The following TTC34 variants were observed in gnomAD, a reference collection of about 807,000 sequenced individuals.
TTC34 encodes the protein tetratricopeptide repeat protein 34.
Under a neutral mutation model 40.7 loss-of-function variants are expected in TTC34, and 44 were observed. The observed-to-expected ratio is 1.08, with a 90% CI of 0.85 to 1.39. The LOEUF (loss-of-function observed/expected upper bound fraction) is 1.39, where lower values mean the gene tolerates loss of function less well. Ranked by LOEUF, TTC34 falls within the 40% of genes most tolerant of loss-of-function variation. TTC34 has a pLI of 0.00. For missense variants in TTC34, 884 were observed against 838.0 expected (o/e 1.05, Z -0.68); for synonymous variants, 422 against 398.6 (o/e 1.06, Z -0.70).
chr1:2,694,107 A>C, intron 6 of TTC34, among the ~76,000 whole-genome samples: 4 of 138,830 alleles, frequency 2.9e-5, no homozygotes, highest in Admixed American at 7.2e-5. Context: ...AGCACCCTGC[A>C]CCCCCAGGTG....
chr1:2,777,248 C>T (rs1268926952), intron 6 of TTC34, among the ~76,000 whole-genome samples: 3 of 131,710 alleles, frequency 2.3e-5, no homozygotes, highest in African/African-American at 8.8e-5. Context: ...AACAGCACCC[C>T]ACACCCCCAG....
chr1:2,675,800 ACACCAACAGGTGAGCATCT>A (rs1639893711), intron 6 of TTC34, among the ~76,000 whole-genome samples: 1 of 47,542 alleles, frequency 2.1e-5, no homozygotes, highest in Admixed American at 1.9e-4. Context: ...AGCAGCACCC[ACACCAACAGGTGAGCATCT>A]GACAGCCTGG....
chr1:2,755,546 C>T lies in TTC34; in HGVS notation c.2226+28063G>A, dbSNP rs1213722033. The stretch of plus-strand genomic sequence containing the variant: ...CAGCCTGGAACAGTACCCACACCCA[C>T]AGGCGAGCATCTGAAACCACGGAGC... On this transcript the variant is annotated intron_variant, in intron 6 of 8. Transcript: ENST00000401095. Among the ~76,000 whole-genome samples the T allele has an allele frequency of 1.8e-4, 20 of 109,422 alleles. 3 individuals carry two copies. Among genetic ancestry groups the T allele is most frequent in the African/African-American group, 8.7e-4 (19 of 21,724 alleles). The allele number at this position is 109,422 out of a possible 152,430, so 71.8% of individuals were successfully genotyped here.
chr1:2,777,856 G>A (rs1157799682), intron 6 of TTC34, among the ~76,000 whole-genome samples: 1 of 152,208 alleles, frequency 6.6e-6, no homozygotes, highest in African/African-American at 2.4e-5. Flanking sequence ...GGGAGGAGGG[G>A]ACAGGATCCT....
intron 6 of TTC34, among the ~76,000 whole-genome samples, chr1:2,698,950 GCCTGGAACAT>G (rs1213113298): frequency 3.6e-4 from 47 of 131,140 alleles, no homozygotes; most frequent in Non-Finnish European, 5.1e-4. Context: ...GCATCTGACA[GCCTGGAACAT>G]CACCCTGCCC....
At chr1:2,677,723 ACCC>A (rs1639963392) in intron 6 of TTC34, among the ~76,000 whole-genome samples, 1 of 150,504 alleles carries the variant, frequency 6.6e-6, no homozygotes, top group Admixed American at 6.6e-5. Flanking sequence ...CTGGAACAGC[ACCC>A]TGCACCCCCA....
intron 6 of TTC34, among the ~76,000 whole-genome samples, chr1:2,782,193 A>G (rs1039331232): frequency 6.6e-6 from 1 of 152,192 alleles, no homozygotes; most frequent in African/African-American, 2.4e-5. Context: ...TTATAGGTCT[A>G]TTCAGATCTT....
At chr1:2,691,662 ACCCCC>A (rs1640624453) in intron 6 of TTC34, among the ~76,000 whole-genome samples, 6 of 102,576 alleles carry the variant, frequency 5.8e-5, no homozygotes, top group South Asian at 2.9e-4. Flanking sequence ...CAGCACCGAC[ACCCCC>A]AGGTGAGCAT....
chr1:2,645,580 C>T lies in TTC34; in HGVS notation c.2227-17G>A, dbSNP rs777795717. ...CACGGCTTCCTGCAAGGAGGGAGGG[C>T]GGGCGGGTGCAGAGTTGTCCTAAGT... On this transcript the variant is annotated splice_polypyrimidine_tract_variant and intron_variant, in intron 6 of 8. Transcript: ENST00000401095. The surrounding 1 kb of genome is among the most constrained non-coding windows in gnomAD (Gnocchi z 4.7). 2.2e-3 allele frequency: 56 copies of T among 25,286 alleles called. 1 individual carries two copies. The highest frequency in any genetic ancestry group is 8.7e-3 in the East Asian group (9 of 1,038). The allele number at this position is 25,286 out of a possible 1,614,324, so 1.6% of individuals were successfully genotyped here. A position where few individuals can be genotyped will look rare whatever the true frequency, so the allele number is the denominator to read the frequency against.
chr1:2,643,180 C>G (rs1394079779), intron 8 of TTC34, among the ~76,000 whole-genome samples: 3 of 152,226 alleles, frequency 2.0e-5, no homozygotes, highest in African/African-American at 7.2e-5. Context: ...TCCCCTGAGC[C>G]CGCGGCTCGG....
chr1:2,789,381 G>C, intron 3 of TTC34, 122 bp downstream of exon 3: 12 of 993,500 alleles, frequency 1.2e-5, no homozygotes, highest in Non-Finnish European at 1.5e-5. Flanking sequence ...CGGGTGCTTT[G>C]GGAAGTCACC....
At chr1:2,752,801 A>G (rs1369514522) in intron 6 of TTC34, among the ~76,000 whole-genome samples, 108 of 118,204 alleles carry the variant, frequency 9.1e-4, no homozygotes, top group Admixed American at 1.2e-3. Flanking sequence ...ACAGCCTGGA[A>G]CAGCTCCCTG....
chr1:2,748,943 C>T (rs1456220951), intron 6 of TTC34, among the ~76,000 whole-genome samples: 1 of 116,762 alleles, frequency 8.6e-6, no homozygotes, highest in Non-Finnish European at 1.6e-5. Flanking sequence ...ATCTGACAGA[C>T]TGGAACAGCA....
intron 6 of TTC34, among the ~76,000 whole-genome samples, chr1:2,653,371 C>G (rs1310852123): frequency 4.6e-5 from 7 of 150,688 alleles, no homozygotes; most frequent in South Asian, 2.1e-4. Context: ...CCCACACCCC[C>G]AGGCGAGCAT....
At chr1:2,694,097 A>T (rs1437394661) in intron 6 of TTC34, among the ~76,000 whole-genome samples, 2 of 142,868 alleles carry the variant, frequency 1.4e-5, no homozygotes, top group Admixed American at 1.4e-4. Flanking sequence ...AGCCTGGAAC[A>T]GCACCCTGCA....
At position 2,755,750 on chromosome 1, in the gene TTC34, G is replaced by A. The variant is rs1641483041; in HGVS notation, c.2226+27859C>T. On this transcript the variant is annotated intron_variant, in intron 6 of 8. Coordinates refer to ENST00000401095, the Ensembl canonical transcript of TTC34. ...CCTGGAGCAGCACCCACACACCCAG[G>A]CGAGCATCTGACAGCCTGGAACGGC... Among the ~76,000 whole-genome samples the A allele has an allele frequency of 3.5e-5, 5 of 141,332 alleles. 1 individual carries two copies. Among genetic ancestry groups the A allele is most frequent in the African/African-American group, 8.3e-5 (3 of 36,318 alleles). 92.7% of individuals were successfully genotyped at this position (141,332 alleles called of 152,430 possible). A position where few individuals can be genotyped will look rare whatever the true frequency, so the allele number is the denominator to read the frequency against.
chr1:2,784,988 G>GCCGCT (rs1643559140), intron 5 of TTC34, among the ~76,000 whole-genome samples: 9 of 151,776 alleles, frequency 5.9e-5, no homozygotes, highest in Admixed American at 3.9e-4. Context: ...GCCGCTCTGG[G>GCCGCT]CTGCTCTGGG....
intron 6 of TTC34, among the ~76,000 whole-genome samples, chr1:2,699,766 A>G (rs1167978373): frequency 1.9e-5 from 1 of 51,950 alleles, no homozygotes; most frequent in African/African-American, 5.3e-5. Context: ...CTGGAGCAGC[A>G]CCCACACCCC....
At chr1:2,637,776 G>A (rs1339069116) in exon 9 of TTC34, 1 of 152,248 alleles carries the variant, frequency 6.6e-6, no homozygotes, top group Non-Finnish European at 1.5e-5. Context: ...CCATGGCCAT[G>A]GAAGAGTCCC....
Sources: allele counts gnomAD v4.1 joint callset (sites outside exome capture counted in the v4.1 genomes callset), GRCh38; gene constraint gnomAD v4.1.1; non-coding constraint Gnocchi (gnomAD v3.1); transcripts MANE v1.5; gene names NCBI Gene and HGNC (gene_info 2026-07-23, HGNC 2026-07-21).